The following FRYL variants were observed in gnomAD, a reference collection of about 807,000 sequenced individuals.
The protein encoded by FRYL is protein furry homolog-like.
Under a neutral mutation model 351.2 loss-of-function variants are expected in FRYL, and 150 were observed. That is an observed-to-expected ratio of 0.43 (90% confidence interval 0.37 to 0.49). The LOEUF (loss-of-function observed/expected upper bound fraction) is 0.49. FRYL is among the 20% of genes least tolerant of loss of function. The pLI, the probability that FRYL is intolerant of heterozygous loss-of-function variation, is 0.00. For synonymous variants in FRYL, 1,153 were observed against 1,257.1 expected (o/e 0.92, Z 1.75); for missense variants, 3,036 against 3,619.3 (o/e 0.84, Z 4.13).
At chr4:48,561,273 C>T (rs761129516) in intron 33 of FRYL, among the ~76,000 whole-genome samples, 195 bp downstream of exon 33, 19 of 151,910 alleles carry the variant, frequency 1.3e-4, no homozygotes, top group Non-Finnish European at 5.9e-5. Context: ...CCTATAAGGA[C>T]GCCGTTGATA....
At chr4:48,604,283 G>GTTA (rs1746291569) in intron 11 of FRYL, among the ~76,000 whole-genome samples, 3 of 152,190 alleles carry the variant, frequency 2.0e-5, no homozygotes, top group African/African-American at 7.2e-5. Flanking sequence ...TACTAGAGAG[G>GTTA]CATGAATGTT....
At chr4:48,744,189 G>C (rs1415783425) in intron 1 of FRYL, among the ~76,000 whole-genome samples, 3 of 152,012 alleles carry the variant, frequency 2.0e-5, no homozygotes, top group Non-Finnish European at 2.9e-5. Context: ...ATTTCTTTTT[G>C]GGGGTGATAT....
intron 16 of FRYL, among the ~76,000 whole-genome samples, chr4:48,592,778 A>G (rs1289836024): frequency 6.6e-6 from 1 of 152,166 alleles, no homozygotes; most frequent in Non-Finnish European, 1.5e-5. Flanking sequence ...ATGTTTGCCC[A>G]CTTCCAAAAT....
intron 3 of FRYL, chr4:48,681,004 T>G: frequency 9.3e-6 from 12 of 1,283,560 alleles, no homozygotes; most frequent in Non-Finnish European, 1.2e-5. Context: ...CACCGTCTTC[T>G]CAGATGAAAG....
At chr4:48,607,824 A>C (rs1293050337) in intron 9 of FRYL, among the ~76,000 whole-genome samples, 2 of 152,202 alleles carry the variant, frequency 1.3e-5, no homozygotes, top group African/African-American at 4.8e-5. Context: ...GTTTGGACTT[A>C]CTATCCTTGC....
chr4:48,611,966 G>A lies in FRYL; in HGVS notation c.412-2143C>T, dbSNP rs192974158. On this transcript the variant is annotated intron_variant, in intron 7 of 63. Transcript: ENST00000358350. The stretch of plus-strand genomic sequence containing the variant: ...GTTGCAAAGCAGCATACAATCTAGT[G>A]AAGGAGATCAGGTATGTCACCCCAC... 2.5e-3 allele frequency among the ~76,000 whole-genome samples: 375 copies of A among 152,256 alleles called. 4 individuals are homozygous for A. Among genetic ancestry groups the A allele is most frequent in the Non-Finnish European group, 2.3e-3 (154 of 68,018 alleles).
At position 48,674,736 on chromosome 4, in the gene FRYL, CAA is replaced by C. The variant is rs58696045; in HGVS notation, c.-81+9935_-81+9936del. On this transcript the variant is annotated intron_variant, in intron 3 of 63. Transcript: ENST00000358350. ...AGGGCGACAGAGCAAGACTCTGTCT[CAA>C]AAAAAAAAAAAAAAAAAAATAGCAA... Among the ~76,000 whole-genome samples, 301 of 55,774 alleles carry C rather than the reference CAA, an allele frequency of 5.4e-3. 1 individual carries two copies. Among genetic ancestry groups the C allele is most frequent in the African/African-American group, 0.022 (267 of 12,210 alleles). 36.6% of individuals were successfully genotyped at this position (55,774 alleles called of 152,430 possible). A position where few individuals can be genotyped will look rare whatever the true frequency, so the allele number is the denominator to read the frequency against.
At chr4:48,641,508 T>A (rs1755316270) in intron 3 of FRYL, among the ~76,000 whole-genome samples, 1 of 152,120 alleles carries the variant, frequency 6.6e-6, no homozygotes. Flanking sequence ...TTTGCCAATA[T>A]CCTTGGTATA....
chr4:48,498,562 T>A lies in FRYL; in HGVS notation c.*860A>T, dbSNP rs1262448453. ...TACTTTGGTTAGTTATCAACAATCA[T>A]AACATAAGCACTGATCAGAGAACTG... On this transcript the variant is annotated 3_prime_UTR_variant, in exon 64 of 64. Coordinates refer to ENST00000358350, the MANE Select transcript of FRYL (RefSeq NM_015030.2). The A allele has an allele frequency of 2.0e-5, 3 of 152,636 alleles. No individual in the cohort carries two copies. Among genetic ancestry groups the A allele is most frequent in the Admixed American group, 6.5e-5 (1 of 15,282 alleles). 9.5% of individuals were successfully genotyped at this position (152,636 alleles called of 1,614,324 possible). A position where few individuals can be genotyped will look rare whatever the true frequency, so the allele number is the denominator to read the frequency against.
chr4:48,608,752 T>G (rs552587775), intron 9 of FRYL, among the ~76,000 whole-genome samples: 1 of 152,318 alleles, frequency 6.6e-6, no homozygotes, highest in South Asian at 2.1e-4. Context: ...AATTTCTGAT[T>G]TGTTCGATTC....
At chr4:48,639,686 C>T (rs954037967) in intron 3 of FRYL, among the ~76,000 whole-genome samples, 4 of 151,830 alleles carry the variant, frequency 2.6e-5, no homozygotes, top group East Asian at 1.9e-4. Flanking sequence ...AATGAAGCCT[C>T]GAGCTCTGCA....
At chr4:48,768,325 C>G (rs1254066993) in intron 1 of FRYL, among the ~76,000 whole-genome samples, 1 of 152,202 alleles carries the variant, frequency 6.6e-6, no homozygotes, top group Non-Finnish European at 1.5e-5. Context: ...ATTAATACAT[C>G]AAAATACAAG....
At chr4:48,566,878 T>C (rs532565128) in intron 28 of FRYL, among the ~76,000 whole-genome samples, 2 of 152,358 alleles carry the variant, frequency 1.3e-5, no homozygotes, top group Admixed American at 6.5e-5. Context: ...TTTGTATTTA[T>C]GGCCTATACT....
chr4:48,643,920 T>C (rs1487596505), intron 3 of FRYL, among the ~76,000 whole-genome samples: 1 of 152,150 alleles, frequency 6.6e-6, no homozygotes, highest in African/African-American at 2.4e-5. Flanking sequence ...ATAAAATTAA[T>C]ATATTAATTA....
chr4:48,560,020 T>C (rs1560605752), intron 33 of FRYL, among the ~76,000 whole-genome samples: 1 of 151,950 alleles, frequency 6.6e-6, no homozygotes, highest in Non-Finnish European at 1.5e-5. Flanking sequence ...ATCTAAGGCA[T>C]GCAGGAGGAC....
chr4:48,524,675 T>C (rs780653685), intron 53 of FRYL, among the ~76,000 whole-genome samples: 3 of 152,148 alleles, frequency 2.0e-5, no homozygotes, highest in Non-Finnish European at 4.4e-5. Context: ...TTACTGTGAC[T>C]TGAATTAAAG....
intron 3 of FRYL, chr4:48,645,831 T>C (rs559918418): frequency 1.3e-5 from 2 of 152,320 alleles, no homozygotes; most frequent in African/African-American, 4.8e-5. Flanking sequence ...AAACCTGTAA[T>C]TATAATACCA....
chr4:48,685,895 A>G (rs1765105398), intron 2 of FRYL, among the ~76,000 whole-genome samples: 1 of 152,078 alleles, frequency 6.6e-6, no homozygotes, highest in Admixed American at 6.6e-5. Context: ...CTAGGATTAC[A>G]GGTATCCGCC....
chr4:48,588,906 G>A (rs558495862), intron 18 of FRYL, among the ~76,000 whole-genome samples: 4 of 152,266 alleles, frequency 2.6e-5, no homozygotes, highest in African/African-American at 9.6e-5. Flanking sequence ...AGGTGTCAGA[G>A]GAACTGGGTG....
Sources: gnomAD v4.1 joint callset for allele counts (sites outside exome capture counted in the v4.1 genomes callset) on GRCh38, gnomAD v4.1.1 for gene constraint, MANE v1.5 for transcripts, NCBI Gene and HGNC (gene_info 2026-07-23, HGNC 2026-07-21) for gene names.